NUDT7: variants seen among roughly 807,000 people sequenced by gnomAD.
NUDT7 encodes nudix hydrolase 7, also known as peroxisomal coenzyme A diphosphatase NUDT7.
A neutral mutation model predicts 13.1 loss-of-function variants in NUDT7; 19 were observed. That is an observed-to-expected ratio of 1.45 (90% CI 1.01 to 2.13). NUDT7 has a LOEUF of 2.13. Among genes scored for constraint, NUDT7 ranks in the 30% most tolerant of loss-of-function variants. The probability of loss-of-function intolerance (pLI) is 0.00; values close to 1 mark genes in which losing one functional copy is unlikely to be tolerated. For synonymous variants in NUDT7, 132 were observed against 109.7 expected, an observed-to-expected ratio of 1.20 and a Z score of -1.27; for missense variants, 360 against 291.7, an observed-to-expected ratio of 1.23 and a Z score of -1.71.
At chr16:77,728,661 G>A (rs1236379304) in intron 2 of NUDT7, among the ~76,000 whole-genome samples, 3 of 152,224 alleles carry the variant, frequency 2.0e-5, no homozygotes, top group Non-Finnish European at 4.4e-5. Flanking sequence ...CAGCACGGCT[G>A]CTGGCATGCC....
At chr16:77,731,666 T>C (rs1298965021) in intron 2 of NUDT7, among the ~76,000 whole-genome samples, 2 of 152,222 alleles carry the variant, frequency 1.3e-5, no homozygotes, top group Non-Finnish European at 2.9e-5. Context: ...AAAGCAGCCT[T>C]AGTAAGGTCC....
At chr16:77,736,151 G>A (rs1184625167) in intron 3 of NUDT7, 165 bp downstream of exon 3, 2 of 615,758 alleles carry the variant, frequency 3.2e-6, no homozygotes, top group African/African-American at 1.8e-5. Context: ...AAGTGGCTAT[G>A]GGCAACCCCT....
chr16:77,730,287 A>T (rs996474539), intron 2 of NUDT7, among the ~76,000 whole-genome samples: 20 of 152,014 alleles, frequency 1.3e-4, no homozygotes, highest in Non-Finnish European at 2.4e-4. Context: ...CCTCCCCCCA[A>T]ACCACCTCAG....
chr16:77,741,453 G>T (rs775425151), intron 3 of NUDT7, 129 bp from the exon 4 acceptor site: 8 of 948,934 alleles, frequency 8.4e-6, no homozygotes, highest in Non-Finnish European at 1.2e-5. Context: ...TTTGTTTCCG[G>T]AATAAGCTTT....
intron 3 of NUDT7, among the ~76,000 whole-genome samples, chr16:77,738,523 G>A (rs1597119270): frequency 6.6e-6 from 1 of 152,230 alleles, no homozygotes; most frequent in East Asian, 1.9e-4. Context: ...TCTAATCTAC[G>A]TGGCTCTTAA....
intron 3 of NUDT7, among the ~76,000 whole-genome samples, chr16:77,740,780 T>G (rs1255090865): frequency 1.3e-5 from 2 of 152,084 alleles, no homozygotes; most frequent in African/African-American, 4.8e-5. Context: ...ACTCCTGACC[T>G]CAGGTGGTCC....
At position 77,722,540 on chromosome 16, in the gene NUDT7, C is replaced by A; in HGVS notation, c.-43C>A. 6.4e-7 allele frequency: 1 copy of A among 1,552,936 alleles called. No individual in the cohort carries two copies. The highest frequency in any genetic ancestry group is 8.7e-7 in the Non-Finnish European group (1 of 1,144,892). ...CTCTGCGCAAGCGCGACCGACCGAG[C>A]AGCTCCGAGGAGTCCGCCCGGAAAC... On this transcript the variant is annotated 5_prime_UTR_variant, in exon 1 of 4. Coordinates refer to ENST00000268533, the MANE Select transcript of NUDT7 (RefSeq NM_001105663.3).
intron 2 of NUDT7, among the ~76,000 whole-genome samples, chr16:77,726,993 A>G (rs908126836): frequency 3.3e-5 from 5 of 152,038 alleles, no homozygotes; most frequent in Non-Finnish European, 1.5e-5. Flanking sequence ...GGGAAATACC[A>G]CACACTTTTA....
intron 3 of NUDT7, among the ~76,000 whole-genome samples, chr16:77,737,646 C>T (rs113144167): frequency 1.5e-4 from 23 of 152,160 alleles, no homozygotes; most frequent in African/African-American, 3.9e-4. Flanking sequence ...TCACCGCGCC[C>T]GGCTAATTTT....
rs2014666114 is a variant in NUDT7, at chr16:77,741,666, T to C, written c.433T>C (p.Phe145Leu). The C allele has an allele frequency of 1.2e-6, 2 of 1,614,178 alleles. No individual in the cohort carries two copies. The highest frequency in any genetic ancestry group is 1.7e-6 in the Non-Finnish European group (2 of 1,180,024). Reference protein sequence around the residue: ...QPNPAEVKDVFLVPLAYFLHP... With the variant: ...QPNPAEVKDVLLVPLAYFLHP... ...GAATCCTGCTGAAGTTAAGGATGTATTCCTGGTGCCTCTGGCCTATTTCCT... is the reference window on the plus strand; with the variant it reads ...GAATCCTGCTGAAGTTAAGGATGTACTCCTGGTGCCTCTGGCCTATTTCCT... Residue 145 changes from phenylalanine (F) to leucine (L), a missense_variant, in exon 4 of 4, where the codon TTC (phenylalanine) becomes CTC (leucine). Physicochemically the swap from Phe to Leu is conservative, Grantham distance 22. Coordinates refer to ENST00000268533, the MANE Select transcript of NUDT7 (RefSeq NM_001105663.3).
chr16:77,724,144 T>C (rs2014053156), intron 1 of NUDT7, among the ~76,000 whole-genome samples: 1 of 152,178 alleles, frequency 6.6e-6, no homozygotes, highest in Non-Finnish European at 1.5e-5. Flanking sequence ...TTTCCTTGCC[T>C]CTTCCAGTTT....
intron 1 of NUDT7, among the ~76,000 whole-genome samples, chr16:77,724,236 G>T (rs954175863): frequency 1.3e-5 from 2 of 152,004 alleles, no homozygotes; most frequent in Admixed American, 1.3e-4. Flanking sequence ...TCTTCCCTGT[G>T]TGCATCTCTC....
At chr16:77,737,876 A>G (rs1275630520) in intron 3 of NUDT7, among the ~76,000 whole-genome samples, 2 of 151,976 alleles carry the variant, frequency 1.3e-5, no homozygotes, top group Non-Finnish European at 2.9e-5. Context: ...AGTGGGTTAG[A>G]TGATCCTTTA....
intron 2 of NUDT7, among the ~76,000 whole-genome samples, chr16:77,734,630 AAAG>A (rs1379871362): frequency 6.6e-6 from 1 of 152,166 alleles, no homozygotes; most frequent in Non-Finnish European, 1.5e-5. Flanking sequence ...TCAAAAAAGA[AAAG>A]AAAAGAGTAG....
intron 2 of NUDT7, among the ~76,000 whole-genome samples, chr16:77,730,454 T>C (rs1174991157): frequency 6.6e-6 from 1 of 152,196 alleles, no homozygotes; most frequent in Non-Finnish European, 1.5e-5. Flanking sequence ...AGGATTTCCT[T>C]CTTTTTTATG....
chr16:77,722,653 G>C (rs771099542), intron 1 of NUDT7, 36 bp downstream of exon 1: 5 of 1,570,166 alleles, frequency 3.2e-6, no homozygotes, highest in Non-Finnish European at 4.3e-6. Context: ...CCCGAGCTTG[G>C]TCAGGCCCGG....
intron 2 of NUDT7, among the ~76,000 whole-genome samples, chr16:77,734,953 TCTG>T (rs1452968114): frequency 2.6e-4 from 40 of 152,180 alleles, no homozygotes; most frequent in South Asian, 6.2e-4. Flanking sequence ...ATTAAACGTC[TCTG>T]CTTTTTTTCA....
intron 1 of NUDT7, among the ~76,000 whole-genome samples, chr16:77,724,363 G>A (rs1229670197): frequency 1.3e-5 from 2 of 152,164 alleles, no homozygotes; most frequent in South Asian, 2.1e-4. Flanking sequence ...TGGGGCTCAA[G>A]TGATCCTCCC....
intron 3 of NUDT7, 46 bp downstream of exon 3, chr16:77,736,032 G>A: frequency 2.6e-6 from 4 of 1,565,054 alleles, no homozygotes; most frequent in Non-Finnish European, 3.5e-6. Context: ...CCACCCCCAG[G>A]TGGATCTACT....
Sources: allele counts gnomAD v4.1 joint callset (sites outside exome capture counted in the v4.1 genomes callset), GRCh38; gene constraint gnomAD v4.1.1; transcripts MANE v1.5; gene names NCBI Gene and HGNC (gene_info 2026-07-23, HGNC 2026-07-21).